Variants in RFX3 observed in about 807,000 individuals in gnomAD.
RFX3 encodes the protein transcription factor RFX3.
RFX3 carries 14 observed loss-of-function variants against 98.6 expected under a neutral mutation model. That is an observed-to-expected ratio of 0.14 (90% CI 0.09 to 0.22). The LOEUF (loss-of-function observed/expected upper bound fraction) is 0.22. Among genes scored for constraint, RFX3 ranks in the 10% least tolerant of loss-of-function variants. The pLI is 1.00. For missense variants in RFX3, 639 were observed against 926.9 expected (o/e 0.69, Z 4.03); for synonymous variants, 383 against 328.4 (o/e 1.17, Z -1.80).
chr9:3,424,892 G>C (rs188585306), intron 1 of RFX3, among the ~76,000 whole-genome samples: 88 of 152,232 alleles, frequency 5.8e-4, no homozygotes, highest in African/African-American at 1.8e-3. Context: ...GTGGCGATGA[G>C]AGTTTAGGGC....
chr9:3,302,200 T>C (rs758643693), intron 4 of RFX3, among the ~76,000 whole-genome samples: 8 of 151,836 alleles, frequency 5.3e-5, no homozygotes, highest in Non-Finnish European at 1.0e-4. Context: ...AGTAAAATGA[T>C]GGTCCCTACA....
chr9:3,253,411 T>C (rs1447605946), intron 14 of RFX3, among the ~76,000 whole-genome samples: 1 of 152,236 alleles, frequency 6.6e-6, no homozygotes, highest in Admixed American at 6.5e-5. Context: ...ATCAAAGCTA[T>C]ACATTCCACT....
rs147669718 is a variant in RFX3 at position 3,290,363 on chromosome 9, C to G, written c.732-2113G>C. 6.6e-3 allele frequency among the ~76,000 whole-genome samples: 1,001 copies of G among 152,226 alleles called. 7 individuals are homozygous for G. Among genetic ancestry groups the G allele is most frequent in the Middle Eastern group, 0.014 (4 of 294 alleles). ...CAAACAACCCCAATTTTGTCCCTTTCTATTTTAAAGACTTGTTTCAACGTT... is the reference window on the plus strand; with the variant it reads ...CAAACAACCCCAATTTTGTCCCTTTGTATTTTAAAGACTTGTTTCAACGTT... On this transcript the variant is annotated intron_variant, in intron 6 of 16. Coordinates refer to ENST00000617270, the MANE Select transcript of RFX3 (RefSeq NM_001282116.2).
At chr9:3,452,353 G>A in intron 1 of RFX3, 1 of 329,422 alleles carries the variant, frequency 3.0e-6, no homozygotes, top group Non-Finnish European at 6.5e-6. Context: ...TGCTTTGGGA[G>A]GCCAAGGCAG....
intron 10 of RFX3, 22 bp from the exon 11 acceptor site, chr9:3,270,547 A>C: frequency 6.2e-7 from 1 of 1,600,926 alleles, no homozygotes; most frequent in Non-Finnish European, 8.5e-7. Flanking sequence ...AAATGTAGCA[A>C]ATGAATAGAT....
chr9:3,267,370 C>A (rs1339299488), intron 11 of RFX3, among the ~76,000 whole-genome samples: 1 of 151,874 alleles, frequency 6.6e-6, no homozygotes, highest in African/African-American at 2.4e-5. Context: ...ATTAATATTA[C>A]GGATGGGCTT....
At chr9:3,379,930 A>T (rs1237728544) in intron 2 of RFX3, among the ~76,000 whole-genome samples, 2 of 148,608 alleles carry the variant, frequency 1.3e-5, no homozygotes, top group Non-Finnish European at 3.0e-5. Context: ...ATTTACTTTA[A>T]TTTTTTTTAT....
intron 1 of RFX3, among the ~76,000 whole-genome samples, chr9:3,502,704 T>C (rs569512555): frequency 7.9e-5 from 12 of 152,302 alleles, no homozygotes; most frequent in Non-Finnish European, 1.8e-4. Context: ...TTCACGATTT[T>C]TTTTTCCTCA....
rs192752285 is a variant in RFX3 at position 3,481,514 on chromosome 9, T to G, written c.-9+44233A>C. On this transcript the variant is annotated intron_variant, in intron 1 of 16. Coordinates refer to ENST00000617270, the MANE Select transcript of RFX3 (RefSeq NM_001282116.2). ...AAAAAAAAATCTAATATTTAACCTA[T>G]CTAATGAATTATTTTGAATTATAAT... Among the ~76,000 whole-genome samples the G allele has an allele frequency of 3.5e-4, 53 of 151,868 alleles. No homozygotes were observed. In the East Asian group the frequency reaches 0.01, roughly 29 times the overall value.
At chr9:3,286,516 A>T (rs1826625255) in intron 7 of RFX3, among the ~76,000 whole-genome samples, 1 of 151,778 alleles carries the variant, frequency 6.6e-6, no homozygotes, top group Admixed American at 6.6e-5. Context: ...TTACACTGGA[A>T]ATTATGACTG....
At chr9:3,452,293 T>C (rs971937182) in intron 1 of RFX3, 1 of 215,274 alleles carries the variant, frequency 4.6e-6, no homozygotes, top group South Asian at 4.7e-5. Flanking sequence ...TGTCATTTTT[T>C]AAAAAAACAA....
chr9:3,459,578 AAGTG>A (rs1396214000), intron 1 of RFX3, among the ~76,000 whole-genome samples: 1 of 152,178 alleles, frequency 6.6e-6, no homozygotes, highest in East Asian at 1.9e-4. Context: ...TATGAATAAT[AAGTG>A]AAAGTATACA....
chr9:3,266,179 A>G (rs777710236), intron 12 of RFX3, 29 bp downstream of exon 12: 2 of 1,374,056 alleles, frequency 1.5e-6, no homozygotes, highest in Non-Finnish European at 2.1e-6. Context: ...TCCTCAACAC[A>G]AAAGAAAAAG....
chr9:3,442,115 G>A (rs896271830), intron 1 of RFX3, among the ~76,000 whole-genome samples: 4 of 152,018 alleles, frequency 2.6e-5, no homozygotes, highest in Admixed American at 6.6e-5. Context: ...CAGGAGAAAC[G>A]CTTGAACCCG....
chr9:3,350,633 C>A (rs997155241), intron 2 of RFX3, among the ~76,000 whole-genome samples: 1 of 152,088 alleles, frequency 6.6e-6, no homozygotes, highest in African/African-American at 2.4e-5. Context: ...CAACTTTATT[C>A]ATAATTGCTA....
chr9:3,296,407 T>C (rs1016185550), intron 5 of RFX3, among the ~76,000 whole-genome samples: 4 of 152,050 alleles, frequency 2.6e-5, no homozygotes, highest in South Asian at 4.1e-4. Context: ...GCCACTGAAA[T>C]GGCTAGGTAA....
chr9:3,430,583 T>C (rs1844568581), intron 1 of RFX3, among the ~76,000 whole-genome samples: 1 of 152,200 alleles, frequency 6.6e-6, no homozygotes, highest in Non-Finnish European at 1.5e-5. Flanking sequence ...CCAATATTTT[T>C]AATTTCCTAG....
chr9:3,306,292 C>T (rs902510662), intron 4 of RFX3, among the ~76,000 whole-genome samples: 1 of 151,912 alleles, frequency 6.6e-6, no homozygotes, highest in Non-Finnish European at 1.5e-5. Flanking sequence ...TACGAGTCAG[C>T]TAGAATTTAA....
chr9:3,291,374 A>G (rs1271436838), intron 6 of RFX3, among the ~76,000 whole-genome samples: 3 of 142,038 alleles, frequency 2.1e-5, no homozygotes, highest in Non-Finnish European at 3.0e-5. Context: ...TCCTTCTCAA[A>G]AAACAAAACA....
Sources: gnomAD v4.1 joint callset for allele counts (sites outside exome capture counted in the v4.1 genomes callset) on GRCh38, gnomAD v4.1.1 for gene constraint, MANE v1.5 for transcripts, NCBI Gene and HGNC (gene_info 2026-07-23, HGNC 2026-07-21) for gene names.